EP300: variants seen among roughly 807,000 people sequenced by gnomAD.
EP300 encodes histone acetyltransferase p300.
Under a neutral mutation model 264.0 loss-of-function variants are expected in EP300, and 31 were observed. The ratio of observed to expected loss-of-function variants is 0.12; its 90% CI spans 0.09 to 0.16. The LOEUF is 0.16. Ranked by LOEUF, EP300 falls within the 10% of genes least tolerant of loss-of-function variation. The pLI is 1.00. For missense variants in EP300, 2,766 were observed against 3,052.9 expected, an observed-to-expected ratio of 0.91 and a Z score of 2.21; for synonymous variants, 1,340 against 1,045.4, an observed-to-expected ratio of 1.28 and a Z score of -5.44.
intron 6 of EP300, among the ~76,000 whole-genome samples, chr22:41,134,722 C>T (rs1223895570): frequency 3.9e-5 from 6 of 152,066 alleles, no homozygotes; most frequent in Non-Finnish European, 7.3e-5. Context: ...TATTGAGTGA[C>T]GAGTTTTTAA....
At position 41,168,790 on chromosome 22, in the gene EP300, A is replaced by G. The variant is rs1282460795; in HGVS notation, c.4095A>G (p.Glu1365=). ...YRTKALFAFE[E]IDGVDLCFFG... ...CCAAAGCCCTCTTTGCCTTTGAAGA[A>G]ATTGATGGTGTTGACCTGTGCTTCT... Residue 1365 remains glutamate, a synonymous_variant, in exon 25 of 31, where the codon GAA becomes GAG. Transcript: ENST00000263253. The G allele has an allele frequency of 6.2e-7, 1 of 1,614,184 alleles. No homozygotes were observed. The highest frequency in any genetic ancestry group is 8.5e-7 in the Non-Finnish European group (1 of 1,180,024).
At chr22:41,151,700 AAAGCACCATGAATAAATAT>A in intron 14 of EP300, 114 bp from the exon 15 acceptor site, 1 of 900,236 alleles carries the variant, frequency 1.1e-6, no homozygotes. Context: ...AGAGCAAATG[AAAGCACCATGAATAAATAT>A]AAGCCAAGAA....
chr22:41,146,893 C>G (rs929771693), intron 11 of EP300, 77 bp downstream of exon 11: 2 of 1,228,282 alleles, frequency 1.6e-6, no homozygotes, highest in Non-Finnish European at 2.3e-6. Flanking sequence ...ACCTGAACAC[C>G]CGCTTTATGC....
At chr22:41,138,455 C>G (rs1209298295) in intron 8 of EP300, among the ~76,000 whole-genome samples, 7 of 152,082 alleles carry the variant, frequency 4.6e-5, no homozygotes, top group Non-Finnish European at 1.0e-4. Flanking sequence ...TGAGCCACCA[C>G]GCCTGTCCTG....
chr22:41,119,195 T>A (rs1366842233), intron 2 of EP300, among the ~76,000 whole-genome samples: 2 of 145,196 alleles, frequency 1.4e-5, no homozygotes, highest in African/African-American at 5.1e-5. Flanking sequence ...TTTTTTTTTT[T>A]TTTTTTAAGA....
chr22:41,106,537 C>T (rs1166581604), intron 1 of EP300, among the ~76,000 whole-genome samples: 1 of 152,316 alleles, frequency 6.6e-6, no homozygotes, highest in East Asian at 1.9e-4. Context: ...TTCCACTCTT[C>T]ATCTGTCAAG....
At chr22:41,175,041 C>T (rs1302512699) in intron 29 of EP300, among the ~76,000 whole-genome samples, 2 of 151,158 alleles carry the variant, frequency 1.3e-5, no homozygotes, top group Non-Finnish European at 2.9e-5. Context: ...TGGAAGGATT[C>T]CTGAGTTCTA....
intron 17 of EP300, among the ~76,000 whole-genome samples, chr22:41,155,796 T>G (rs2059073605): frequency 6.6e-6 from 1 of 152,232 alleles, no homozygotes; most frequent in South Asian, 2.1e-4. Flanking sequence ...GTAGCATGAA[T>G]CAGTAGCACA....
chr22:41,102,988 T>C (rs2058740043), intron 1 of EP300, among the ~76,000 whole-genome samples: 1 of 152,188 alleles, frequency 6.6e-6, no homozygotes, highest in Admixed American at 6.5e-5. Context: ...TAGCTGGGAC[T>C]AAAGGTATCC....
chr22:41,136,834 C>G (rs2058953703), intron 7 of EP300, among the ~76,000 whole-genome samples: 2 of 151,430 alleles, frequency 1.3e-5, no homozygotes, highest in African/African-American at 4.9e-5. Flanking sequence ...CCGAGGCAGG[C>G]AGATTGCTTG....
chr22:41,125,112 C>CTTTTTTT (rs930135062), intron 2 of EP300, among the ~76,000 whole-genome samples: 7 of 80,364 alleles, frequency 8.7e-5, no homozygotes, highest in African/African-American at 1.5e-4. Context: ...CTTTTCTTTC[C>CTTTTTTT]TTTTTTTTTT....
At chr22:41,158,919 T>A (rs1601625823) in intron 19 of EP300, 1 of 196,080 alleles carries the variant, frequency 5.1e-6, no homozygotes, top group Non-Finnish European at 1.1e-5. Context: ...TAAGTAGTTG[T>A]TATTAGAATA....
rs375249710 is a variant in EP300, at chr22:41,169,651, A to C, written c.4286+35A>C. 26 of 1,226,788 alleles carry C rather than the reference A, an allele frequency of 2.1e-5. No homozygotes were observed. In the African/African-American group the frequency reaches 3.1e-4, roughly 15 times the overall value. 76.0% of individuals were successfully genotyped at this position (1,226,788 alleles called of 1,614,324 possible). A position where few individuals can be genotyped will look rare whatever the true frequency, so the allele number is the denominator to read the frequency against. ...TTTTGATAATGGCTTTTTTTCTTTA[A>C]CTAGCATGGCATTCTGGTGAGATAT... is the stretch of plus-strand genomic sequence containing the variant. On this transcript the variant is annotated intron_variant, in intron 26 of 30. Coordinates refer to ENST00000263253, the MANE Select transcript of EP300 (RefSeq NM_001429.4).
Position 41,157,443 on chromosome 22 carries a change from T to C in EP300, c.3501+35T>C, listed in dbSNP as rs1251065091. On this transcript the variant is annotated intron_variant, in intron 18 of 30. Transcript: ENST00000263253. ...GTGTTTCAGATTTGACTTTAACTTTTCTGGGATACCTAGAATAATATAGTG... is the reference window on the plus strand; with the variant it reads ...GTGTTTCAGATTTGACTTTAACTTTCCTGGGATACCTAGAATAATATAGTG... 5 of 1,610,282 alleles carry C rather than the reference T, an allele frequency of 3.1e-6. No individual in the cohort carries two copies. In the Admixed American group the frequency reaches 5.0e-5, roughly 16 times the overall value.
chr22:41,096,283 G>A (rs979092460), intron 1 of EP300, among the ~76,000 whole-genome samples: 1 of 152,084 alleles, frequency 6.6e-6, no homozygotes, highest in Admixed American at 6.6e-5. Context: ...TGATCATCTT[G>A]AGTGATGGAA....
At chr22:41,151,787 C>G (rs538062998) in intron 14 of EP300, 46 bp from the exon 15 acceptor site, 2 of 1,584,370 alleles carry the variant, frequency 1.3e-6, no homozygotes, top group African/African-American at 2.7e-5. Context: ...GTATCGTTGG[C>G]AGACTCTGCG....
chr22:41,160,591 T>C (rs2145752153), intron 19 of EP300, 51 bp from the exon 20 acceptor site: 1 of 1,581,738 alleles, frequency 6.3e-7, no homozygotes, highest in Non-Finnish European at 8.7e-7. Flanking sequence ...TGGCTTGGGC[T>C]GTGTTGTGTG....
chr22:41,145,690 C>A (rs982493849), intron 10 of EP300, among the ~76,000 whole-genome samples: 6 of 152,242 alleles, frequency 3.9e-5, no homozygotes, highest in Non-Finnish European at 1.5e-5. Context: ...GTGGCACGAT[C>A]TCAGCTTACT....
chr22:41,122,293 G>A (rs1417436613), intron 2 of EP300, among the ~76,000 whole-genome samples: 1 of 151,302 alleles, frequency 6.6e-6, no homozygotes, highest in South Asian at 2.1e-4. Context: ...AGTCTCCCGA[G>A]TAGGTGGGAT....
Sources: allele counts gnomAD v4.1 joint callset (sites outside exome capture counted in the v4.1 genomes callset), GRCh38; gene constraint gnomAD v4.1.1; transcripts MANE v1.5; gene names NCBI Gene and HGNC (gene_info 2026-07-23, HGNC 2026-07-21).